The following WWOX variants were observed in gnomAD, a reference collection of about 807,000 sequenced individuals.
WWOX encodes the protein WW domain-containing oxidoreductase.
Under a neutral mutation model 46.2 loss-of-function variants are expected in WWOX, and 69 were observed. That is an observed-to-expected ratio of 1.49 (90% CI 1.23 to 1.82). The LOEUF (loss-of-function observed/expected upper bound fraction) is 1.82. WWOX is among the 40% of genes most tolerant of loss of function. The pLI is 0.00. For synonymous variants in WWOX, 359 were observed against 202.6 expected (o/e 1.77, Z -6.56); for missense variants, 919 against 542.6 (o/e 1.69, Z -6.89).
At chr16:78,490,110 G>A (rs1370729281) in intron 8 of WWOX, among the ~76,000 whole-genome samples, 2 of 146,842 alleles carry the variant, frequency 1.4e-5, no homozygotes, top group East Asian at 2.1e-4. Context: ...AACACTAAAC[G>A]ATTTGTTCAG....
At chr16:78,401,341 A>C (rs1198250572) in intron 6 of WWOX, among the ~76,000 whole-genome samples, 2 of 152,248 alleles carry the variant, frequency 1.3e-5, no homozygotes, top group Non-Finnish European at 2.9e-5. Context: ...AATATTTCTT[A>C]AAGTAGCTAA....
intron 5 of WWOX, among the ~76,000 whole-genome samples, chr16:78,243,054 C>G (rs561622833): frequency 6.1e-4 from 92 of 152,062 alleles, no homozygotes; most frequent in Non-Finnish European, 1.0e-3. Flanking sequence ...TCCCTTCCCT[C>G]TCCCCATCCT....
intron 8 of WWOX, among the ~76,000 whole-genome samples, chr16:78,688,336 A>G (rs1187798257): frequency 6.6e-6 from 1 of 151,498 alleles, no homozygotes; most frequent in Non-Finnish European, 1.5e-5. Flanking sequence ...AATTCACGAG[A>G]TCATTCATGA....
intron 8 of WWOX, among the ~76,000 whole-genome samples, chr16:78,827,680 A>C (rs1305214811): frequency 6.6e-6 from 1 of 151,670 alleles, no homozygotes; most frequent in Non-Finnish European, 1.5e-5. Context: ...TAAAAATAAA[A>C]AAAAAAAAAA....
rs1167820901 is a variant in WWOX at position 78,829,586 on chromosome 16, TTGTC to T, written c.1057-382021_1057-382018del. 4.6e-5 allele frequency among the ~76,000 whole-genome samples: 7 copies of T among 152,234 alleles called. No individual in the cohort carries two copies. The South Asian group carries it at 1.2e-3, about 27-fold the overall frequency. On this transcript the variant is annotated intron_variant, in intron 8 of 8. Transcript: ENST00000566780. ...TTTTGCCTTCTTTTTATTTTTGGTG[TTGTC>T]ATCCTGTGTCCAAGGCACATATAGT...
chr16:79,112,399 C>T (rs747410979), intron 8 of WWOX, among the ~76,000 whole-genome samples: 2 of 152,268 alleles, frequency 1.3e-5, no homozygotes, highest in Non-Finnish European at 2.9e-5. Context: ...TTCCTTTGCT[C>T]ATACCCTGGA....
At chr16:78,914,007 A>G (rs567610302) in intron 8 of WWOX, among the ~76,000 whole-genome samples, 11 of 152,112 alleles carry the variant, frequency 7.2e-5, no homozygotes, top group Non-Finnish European at 5.9e-5. Context: ...ATTCACTGAT[A>G]TTATTGGTCC....
chr16:78,546,504 A>T (rs372235113), intron 8 of WWOX, among the ~76,000 whole-genome samples: 2 of 152,210 alleles, frequency 1.3e-5, no homozygotes, highest in South Asian at 2.1e-4. Context: ...TGGGATTGCA[A>T]TTACCTTGCC....
chr16:78,745,188 T>G (rs186598103), intron 8 of WWOX, among the ~76,000 whole-genome samples: 12 of 152,218 alleles, frequency 7.9e-5, no homozygotes, highest in African/African-American at 2.7e-4. Context: ...AGCCAGGATC[T>G]TTCCTGGAAG....
chr16:79,131,933 G>C (rs939590912), intron 8 of WWOX, among the ~76,000 whole-genome samples: 5 of 152,094 alleles, frequency 3.3e-5, no homozygotes, highest in African/African-American at 1.2e-4. Context: ...GGAAACCCCT[G>C]TTTTTAAAAC....
At chr16:78,818,741 T>A (rs959524355) in intron 8 of WWOX, among the ~76,000 whole-genome samples, 1 of 152,222 alleles carries the variant, frequency 6.6e-6, no homozygotes, top group African/African-American at 2.4e-5. Context: ...GTAACTAGCT[T>A]GCCAGTCAAG....
chr16:79,181,022 G>A (rs1253673862), intron 8 of WWOX, among the ~76,000 whole-genome samples: 3 of 152,078 alleles, frequency 2.0e-5, no homozygotes, highest in Non-Finnish European at 4.4e-5. Flanking sequence ...ACATTATTAA[G>A]TTAATACATG....
intron 8 of WWOX, among the ~76,000 whole-genome samples, chr16:79,013,203 T>C (rs945196359): frequency 6.6e-6 from 1 of 152,194 alleles, no homozygotes; most frequent in South Asian, 2.1e-4. Flanking sequence ...TTTAGCTCAC[T>C]GTGCAGGAAG....
chr16:78,766,916 T>C (rs372663985), intron 8 of WWOX, among the ~76,000 whole-genome samples: 1 of 152,224 alleles, frequency 6.6e-6, no homozygotes, highest in East Asian at 1.9e-4. Flanking sequence ...ATCACATCTT[T>C]TAAAAAATAA....
chr16:78,474,160 T>C (rs1662337998), intron 8 of WWOX, among the ~76,000 whole-genome samples: 1 of 152,258 alleles, frequency 6.6e-6, no homozygotes, highest in Non-Finnish European at 1.5e-5. Context: ...ATGGTTCTGC[T>C]GAAATTTTAA....
At chr16:78,980,535 G>A (rs542527012) in intron 8 of WWOX, among the ~76,000 whole-genome samples, 80 of 152,234 alleles carry the variant, frequency 5.3e-4, no homozygotes, top group Non-Finnish European at 1.0e-3. Flanking sequence ...AATACTAATA[G>A]TTTATTTATT....
rs532618963 is a variant in WWOX at position 78,870,280 on chromosome 16, C to G, written c.1057-341328C>G. Among the ~76,000 whole-genome samples, 7 of 152,266 alleles carry G rather than the reference C, an allele frequency of 4.6e-5. No homozygotes were observed. In the South Asian group the frequency reaches 1.5e-3, roughly 32 times the overall value. Reference sequence around the variant, plus strand: ...GATGACAATGACCCAGTTTCTTTGACTAAATAAATGTATAGACACACATTA... The same window carrying G: ...GATGACAATGACCCAGTTTCTTTGAGTAAATAAATGTATAGACACACATTA... On this transcript the variant is annotated intron_variant, in intron 8 of 8. Transcript: ENST00000566780.
At chr16:79,140,947 G>T (rs2050077870) in intron 8 of WWOX, among the ~76,000 whole-genome samples, 1 of 152,128 alleles carries the variant, frequency 6.6e-6, no homozygotes, top group Non-Finnish European at 1.5e-5. Flanking sequence ...TTGGACCTCT[G>T]ACTTTCAACA....
chr16:78,224,254 C>A (rs1466175328), intron 5 of WWOX, among the ~76,000 whole-genome samples: 4 of 152,118 alleles, frequency 2.6e-5, no homozygotes, highest in Admixed American at 2.6e-4. Context: ...CCGCCTGCCT[C>A]GGCCTCCCAA....
Sources: allele counts gnomAD v4.1 joint callset (sites outside exome capture counted in the v4.1 genomes callset), GRCh38; gene constraint gnomAD v4.1.1; transcripts MANE v1.5; gene names NCBI Gene and HGNC (gene_info 2026-07-23, HGNC 2026-07-21).